The following TMCO4 variants were observed in gnomAD, a reference collection of about 807,000 sequenced individuals.
TMCO4 encodes transmembrane and coiled-coil domain-containing protein 4.
Under a neutral mutation model 64.7 loss-of-function variants are expected in TMCO4, and 58 were observed. The ratio of observed to expected loss-of-function variants is 0.90; its 90% CI spans 0.73 to 1.12. The LOEUF is 1.12. Among genes scored for constraint, TMCO4 ranks in the 50% most tolerant of loss-of-function variants. The probability of loss-of-function intolerance (pLI) is 0.00; values close to 1 mark genes in which losing one functional copy is unlikely to be tolerated. For missense variants in TMCO4, 780 were observed against 825.9 expected, an observed-to-expected ratio of 0.94 and a Z score of 0.68; for synonymous variants, 325 against 346.1, an observed-to-expected ratio of 0.94 and a Z score of 0.68.
chr1:19,754,717 A>T (rs951375384), intron 7 of TMCO4, among the ~76,000 whole-genome samples: 2 of 152,152 alleles, frequency 1.3e-5, no homozygotes, highest in Non-Finnish European at 2.9e-5. Flanking sequence ...GGTTACCAGA[A>T]TTATTTCCTT....
intron 2 of TMCO4, among the ~76,000 whole-genome samples, chr1:19,793,931 G>A (rs12567707): frequency 1.9e-3 from 292 of 152,198 alleles, no homozygotes; most frequent in Admixed American, 3.0e-3. Flanking sequence ...TGCCATCTCA[G>A]AGTCAGGCCA....
intron 13 of TMCO4, among the ~76,000 whole-genome samples, chr1:19,729,554 T>C (rs1417323391): frequency 1.3e-5 from 2 of 150,934 alleles, no homozygotes; most frequent in African/African-American, 4.9e-5. Flanking sequence ...TCACCTGAGG[T>C]CAGGAGTTTG....
At chr1:19,772,911 C>T (rs557451934) in intron 4 of TMCO4, among the ~76,000 whole-genome samples, 12 of 152,194 alleles carry the variant, frequency 7.9e-5, no homozygotes, top group African/African-American at 2.4e-4. Context: ...TAGCCTCAGC[C>T]GGGCGCAGTG....
rs2041607613 is a variant in TMCO4 at position 19,743,228 on chromosome 1, C to G, written c.878-2287G>C. On this transcript the variant is annotated intron_variant, in intron 10 of 15. Transcript: ENST00000294543. This position sits in a 1 kb window ranked among gnomAD's most constrained non-coding sequence, Gnocchi z 4.1. ...GGCACCCCTTATAAGCCTCAGTTTC[C>G]TCATCTGGAAAAGGGGAGTGCGAAT... 6.6e-6 allele frequency among the ~76,000 whole-genome samples: 1 copy of G among 152,062 alleles called. No individual in the cohort carries two copies. Among genetic ancestry groups the G allele is most frequent in the Non-Finnish European group, 1.5e-5 (1 of 68,022 alleles).
At chr1:19,768,468 C>G (rs897212909) in intron 6 of TMCO4, among the ~76,000 whole-genome samples, 6 of 152,172 alleles carry the variant, frequency 3.9e-5, no homozygotes, top group Admixed American at 6.5e-5. Flanking sequence ...TATGACAACT[C>G]CTGAGACTGC....
At chr1:19,791,862 C>A (rs1467809415) in intron 2 of TMCO4, among the ~76,000 whole-genome samples, 1 of 152,148 alleles carries the variant, frequency 6.6e-6, no homozygotes, top group Non-Finnish European at 1.5e-5. Context: ...TTGGCTGTGT[C>A]CCCACCCAAA....
chr1:19,779,848 T>C (rs756879711), intron 4 of TMCO4, among the ~76,000 whole-genome samples: 21 of 152,258 alleles, frequency 1.4e-4, no homozygotes, highest in Non-Finnish European at 2.6e-4. Flanking sequence ...GGATGGTATC[T>C]GTCTCATTCA....
Position 19,683,195 on chromosome 1 carries a change from C to T in TMCO4, c.1750G>A (p.Val584Met). The change falls in exon 16 of 16, where the codon GTG (valine) becomes ATG (methionine). Residue 584 changes from valine (V) to methionine (M), a missense_variant. Transcript: ENST00000294543. ...AMSTDPSQAQ[V>M]PVGLDQSEGA... Reference sequence around the variant, plus strand: ...TCAGACTGGTCCAGCCCTACTGGCACCTGGGCTTGGCTGGGGTCTGTGGAC... The same window carrying T: ...TCAGACTGGTCCAGCCCTACTGGCATCTGGGCTTGGCTGGGGTCTGTGGAC... The T allele has an allele frequency of 1.2e-6, 2 of 1,614,252 alleles. No homozygotes were observed. The highest frequency in any genetic ancestry group is 2.7e-5 in the African/African-American group (2 of 75,074).
intron 13 of TMCO4, among the ~76,000 whole-genome samples, chr1:19,730,089 C>A (rs2095424092): frequency 6.6e-6 from 1 of 152,234 alleles, no homozygotes; most frequent in African/African-American, 2.4e-5. Flanking sequence ...GGTTCTAGCT[C>A]TCTGTCTCTG....
intron 13 of TMCO4, among the ~76,000 whole-genome samples, chr1:19,713,043 GGA>G (rs1361723057): frequency 6.6e-6 from 1 of 152,200 alleles, no homozygotes; most frequent in Non-Finnish European, 1.5e-5. Flanking sequence ...TGAGGTTCTA[GGA>G]GAGAGTGGAA....
chr1:19,755,394 C>T (rs2042201699), intron 7 of TMCO4, among the ~76,000 whole-genome samples: 1 of 152,180 alleles, frequency 6.6e-6, no homozygotes, highest in Non-Finnish European at 1.5e-5. Context: ...GGATTACAGG[C>T]GTAAGCCACC....
chr1:19,696,275 C>T lies in TMCO4; in HGVS notation c.1383-1724G>A, dbSNP rs556689071. Among the ~76,000 whole-genome samples, 42 of 152,284 alleles carry T rather than the reference C, an allele frequency of 2.8e-4. 1 individual carries two copies. In the South Asian group the frequency reaches 7.7e-3, roughly 28 times the overall value. ...TGTCTAAGAATGGACGGTTGCAGGG[C>T]GCGGTGGCTCACGCCTGTAATCCCA... On this transcript the variant is annotated intron_variant, in intron 14 of 15. Transcript: ENST00000294543.
At chr1:19,692,575 C>CA (rs532713684) in intron 15 of TMCO4, among the ~76,000 whole-genome samples, 852 of 63,928 alleles carry the variant, frequency 0.013, 14 homozygotes, top group East Asian at 0.077. Flanking sequence ...ATTAAAAATA[C>CA]AAAAAAAAAA....
intron 12 of TMCO4, among the ~76,000 whole-genome samples, chr1:19,738,903 C>A (rs2095467451): frequency 6.6e-6 from 1 of 152,256 alleles, no homozygotes; most frequent in African/African-American, 2.4e-5. Context: ...GAGACACCAA[C>A]TGAAATGTTG....
intron 7 of TMCO4, among the ~76,000 whole-genome samples, chr1:19,748,189 G>A (rs1035996803): frequency 5.9e-5 from 9 of 152,218 alleles, no homozygotes; most frequent in Admixed American, 5.9e-4. Flanking sequence ...TAGATTATCT[G>A]TAAAGCATTT....
chr1:19,693,129 T>A (rs866380492), intron 15 of TMCO4, among the ~76,000 whole-genome samples: 1 of 120,096 alleles, frequency 8.3e-6, no homozygotes, highest in South Asian at 2.9e-4. Flanking sequence ...GCCGAGACTG[T>A]GCCACTGCAC....
In TMCO4 at chr1:19,739,947, G is replaced by C; in HGVS notation, c.1056C>G (p.Ala352=). Residue 352 remains alanine, a synonymous_variant, in exon 12 of 16, where the codon GCC becomes GCG. Transcript: ENST00000294543. ...KYTVLSGIVA[A]LTWPASLLSV... ...TGAGGAGTGAGGCTGGCCAGGTCAG[G>C]GCAGCCACAATGCCTGGGGAGGTGA... 6.2e-7 allele frequency: 1 copy of C among 1,613,368 alleles called. No homozygotes were observed. The highest frequency in any genetic ancestry group is 8.5e-7 in the Non-Finnish European group (1 of 1,179,722).
chr1:19,717,194 T>C (rs2100717166), intron 13 of TMCO4, among the ~76,000 whole-genome samples: 2 of 152,228 alleles, frequency 1.3e-5, no homozygotes, highest in South Asian at 4.1e-4. Flanking sequence ...CTCAAATAAA[T>C]AAAATTAATT....
At chr1:19,766,552 C>T (rs976746804) in intron 6 of TMCO4, among the ~76,000 whole-genome samples, 28 of 152,282 alleles carry the variant, frequency 1.8e-4, no homozygotes, top group Admixed American at 7.2e-4. Flanking sequence ...TCCCATTTCA[C>T]CATGGCCACC....
Sources: gnomAD v4.1 joint callset for allele counts (sites outside exome capture counted in the v4.1 genomes callset) on GRCh38, gnomAD v4.1.1 for gene constraint, Gnocchi (gnomAD v3.1) non-coding constraint, MANE v1.5 for transcripts, NCBI Gene and HGNC (gene_info 2026-07-23, HGNC 2026-07-21) for gene names.